Variants in MCOLN2 observed in about 807,000 individuals in gnomAD.
MCOLN2 encodes mucolipin TRP cation channel 2, also known as mucolipin-2.
In MCOLN2, 57 loss-of-function variants were observed where a neutral mutation model predicts 67.5. The ratio of observed to expected loss-of-function variants is 0.84; its 90% CI spans 0.68 to 1.05. The LOEUF (loss-of-function observed/expected upper bound fraction) is 1.05. MCOLN2 is among the 50% of genes least tolerant of loss of function. MCOLN2 has a pLI of 0.00. For missense variants in MCOLN2, 620 were observed against 678.8 expected (o/e 0.91, Z 0.96); for synonymous variants, 246 against 233.3 (o/e 1.05, Z -0.50).
chr1:84,985,185 A>G (rs1204605546), intron 1 of MCOLN2, among the ~76,000 whole-genome samples: 2 of 152,132 alleles, frequency 1.3e-5, no homozygotes, highest in Non-Finnish European at 2.9e-5. Context: ...CTCTAGAACA[A>G]ACACTGGGTT....
At chr1:84,963,565 G>A (rs1232591256) in intron 2 of MCOLN2, among the ~76,000 whole-genome samples, 1 of 152,186 alleles carries the variant, frequency 6.6e-6, no homozygotes, top group Non-Finnish European at 1.5e-5. Flanking sequence ...TGTTGCAGGA[G>A]GGGCCTCCTG....
chr1:84,971,501 C>CAT (rs1649680091), intron 1 of MCOLN2, among the ~76,000 whole-genome samples: 2 of 19,940 alleles, frequency 1.0e-4, no homozygotes, highest in South Asian at 2.5e-3. Flanking sequence ...AACAGACATA[C>CAT]ACACACACAC....
At chr1:84,938,446 A>C (rs1046949970) in intron 9 of MCOLN2, among the ~76,000 whole-genome samples, 3 of 152,252 alleles carry the variant, frequency 2.0e-5, no homozygotes, top group African/African-American at 7.2e-5. Flanking sequence ...AGTACCAAAC[A>C]ATACAATTCA....
intron 2 of MCOLN2, among the ~76,000 whole-genome samples, chr1:84,965,075 T>C (rs111701624): frequency 9.2e-5 from 14 of 152,276 alleles, no homozygotes; most frequent in African/African-American, 3.1e-4. Flanking sequence ...AAGAGCTCAA[T>C]AATACGAACT....
In MCOLN2 at chr1:84,939,669, G is replaced by A. The variant is rs190903111; in HGVS notation, c.994C>T (p.Arg332Trp). 7.1e-5 allele frequency: 114 copies of A among 1,613,894 alleles called. No homozygotes were observed. Among genetic ancestry groups the A allele is most frequent in the Middle Eastern group, 1.6e-4 (1 of 6,062 alleles). ...CACTGGTCGGTGTCACACACAGGCCGCTTGTACTTCTCCAGGAAGAAATTT... is the reference window on the plus strand; with the variant it reads ...CACTGGTCGGTGTCACACACAGGCCACTTGTACTTCTCCAGGAAGAAATTT... Reference protein sequence around the residue: ...FLNFFLEKYKRPVCDTDQWEF... With the variant: ...FLNFFLEKYKWPVCDTDQWEF... Residue 332 changes from arginine to tryptophan, a missense_variant, in exon 9 of 14, where the codon CGG becomes TGG. By Grantham distance (101) the Arg-to-Trp change is moderately radical. Transcript: ENST00000370608.
Position 84,952,287 on chromosome 1 carries a change from T to C in MCOLN2, c.703A>G (p.Ile235Val), listed in dbSNP as rs766185090. 176 of 1,613,610 alleles carry C rather than the reference T, an allele frequency of 1.1e-4. No individual in the cohort carries two copies. Among genetic ancestry groups the C allele is most frequent in the Non-Finnish European group, 1.5e-4 (172 of 1,179,842 alleles). Residue 235 changes from isoleucine to valine, a missense_variant, in exon 6 of 14, where the codon ATT (isoleucine) becomes GTT (valine). Physicochemically the swap from Ile to Val is conservative, Grantham distance 29 (BLOSUM62 3). Coordinates refer to ENST00000370608, the MANE Select transcript of MCOLN2 (RefSeq NM_153259.4). ...FHLKGIDLQT[I>V]HSRELPDCYV... Reference sequence around the variant, plus strand: ...CAGTCTGGTAACTCACGGGAATGAATTGTCTGTAGGTCAATGCCTTTAAGA... The same window carrying C: ...CAGTCTGGTAACTCACGGGAATGAACTGTCTGTAGGTCAATGCCTTTAAGA...
chr1:84,927,098 G>A (rs1661199071), intron 13 of MCOLN2, among the ~76,000 whole-genome samples: 1 of 151,808 alleles, frequency 6.6e-6, no homozygotes, highest in Non-Finnish European at 1.5e-5. Flanking sequence ...TGCATGCAGA[G>A]CTGAACCTAG....
Position 84,956,595 on chromosome 1 carries a change from A to G in MCOLN2, c.412-11T>C. 1 of 1,570,450 alleles carries G rather than the reference A, an allele frequency of 6.4e-7. No homozygotes were observed. The highest frequency in any genetic ancestry group is 8.6e-7 in the Non-Finnish European group (1 of 1,165,790). ...CTTTAGCTGATGATACTATTAAAAA[A>G]TAGTCAAGTAAAAACCACATATGAC... On this transcript the variant is annotated splice_polypyrimidine_tract_variant and intron_variant, in intron 3 of 13. Coordinates refer to ENST00000370608, the MANE Select transcript of MCOLN2 (RefSeq NM_153259.4).
chr1:84,932,974 G>C (rs1474467924), intron 11 of MCOLN2, among the ~76,000 whole-genome samples: 3 of 152,166 alleles, frequency 2.0e-5, no homozygotes, highest in Non-Finnish European at 4.4e-5. Context: ...GTTGTGATAA[G>C]TTCCTCCTTT....
intron 7 of MCOLN2, among the ~76,000 whole-genome samples, chr1:84,942,987 T>A (rs2102819759): frequency 6.6e-6 from 1 of 152,312 alleles, no homozygotes; most frequent in East Asian, 1.9e-4. Flanking sequence ...ATTTCTTTTC[T>A]TTATAAATTA....
At chr1:84,958,958 T>C (rs1005943604) in intron 2 of MCOLN2, among the ~76,000 whole-genome samples, 8 of 152,160 alleles carry the variant, frequency 5.3e-5, no homozygotes, top group African/African-American at 9.7e-5. Flanking sequence ...TACTGGCCTT[T>C]AAGAAAGAAA....
intron 1 of MCOLN2, among the ~76,000 whole-genome samples, chr1:84,968,674 AG>A (rs1331542205): frequency 6.6e-6 from 1 of 152,204 alleles, no homozygotes; most frequent in Non-Finnish European, 1.5e-5. Flanking sequence ...CCTCATGAGC[AG>A]GCCTCAGAAA....
At chr1:84,982,079 T>G (rs2102879620) in intron 1 of MCOLN2, among the ~76,000 whole-genome samples, 1 of 151,436 alleles carries the variant, frequency 6.6e-6, no homozygotes, top group South Asian at 2.1e-4. Context: ...CATGGGTTTT[T>G]TTTTTTTTAA....
Position 84,987,025 on chromosome 1 carries a change from G to A in MCOLN2, c.77+9771C>T, listed in dbSNP as rs142768781. Among the ~76,000 whole-genome samples, 11 of 152,066 alleles carry A rather than the reference G, an allele frequency of 7.2e-5. 1 individual carries two copies. The East Asian group carries it at 2.1e-3, about 29-fold the overall frequency. ...TTTGATCCAGCAAGCCCACTACTGG[G>A]TATCTACCCAGAAGAAAAGAAGTCG... On this transcript the variant is annotated intron_variant, in intron 1 of 13. Transcript: ENST00000370608.
chr1:84,973,641 G>A (rs1649853069), intron 1 of MCOLN2, among the ~76,000 whole-genome samples: 1 of 152,144 alleles, frequency 6.6e-6, no homozygotes. Flanking sequence ...GCCCACTTAA[G>A]CATTTTTAGA....
At chr1:84,988,135 A>G (rs1347048688) in intron 1 of MCOLN2, among the ~76,000 whole-genome samples, 1 of 152,182 alleles carries the variant, frequency 6.6e-6, no homozygotes, top group Non-Finnish European at 1.5e-5. Flanking sequence ...CCTTAGTGCA[A>G]TCAGTGGCCC....
intron 7 of MCOLN2, among the ~76,000 whole-genome samples, chr1:84,943,486 G>C (rs932081885): frequency 4.0e-5 from 6 of 151,722 alleles, no homozygotes; most frequent in Non-Finnish European, 7.4e-5. Context: ...CAGAGGAGAA[G>C]CAAACAGAAC....
At chr1:84,989,946 A>G (rs1448985264) in intron 1 of MCOLN2, among the ~76,000 whole-genome samples, 1 of 152,204 alleles carries the variant, frequency 6.6e-6, no homozygotes, top group Non-Finnish European at 1.5e-5. Flanking sequence ...TCAAACTATT[A>G]AAAGAAATGT....
chr1:84,996,746 G>T, intron 1 of MCOLN2, 50 bp downstream of exon 1: 2 of 1,536,862 alleles, frequency 1.3e-6, no homozygotes, highest in Non-Finnish European at 1.8e-6. Context: ...TCGACTTTAG[G>T]AAGATTTCTC....
Sources: gnomAD v4.1 joint callset for allele counts (sites outside exome capture counted in the v4.1 genomes callset) on GRCh38, gnomAD v4.1.1 for gene constraint, MANE v1.5 for transcripts, NCBI Gene and HGNC (gene_info 2026-07-23, HGNC 2026-07-21) for gene names.